ADAR: variants seen among roughly 807,000 people sequenced by gnomAD.
ADAR encodes the protein double-stranded RNA-specific adenosine deaminase.
A neutral mutation model predicts 113.2 loss-of-function variants in ADAR; 41 were observed. The observed-to-expected ratio is 0.36, with a 90% CI of 0.28 to 0.47. The LOEUF is 0.47. ADAR is among the 20% of genes least tolerant of loss of function. The pLI is 1.00. For synonymous variants in ADAR, 605 were observed against 572.6 expected (o/e 1.06, Z -0.81); for missense variants, 1,242 against 1,540.9 (o/e 0.81, Z 3.25).
chr1:154,618,493 A>G (rs1215436175), intron 1 of ADAR, among the ~76,000 whole-genome samples: 3 of 152,230 alleles, frequency 2.0e-5, no homozygotes, highest in Non-Finnish European at 4.4e-5. Context: ...AAGTTCAAGT[A>G]CAAGAACAAA....
intron 6 of ADAR, among the ~76,000 whole-genome samples, chr1:154,593,740 T>A (rs1697318623): frequency 6.6e-6 from 1 of 152,196 alleles, no homozygotes; most frequent in South Asian, 2.1e-4. Context: ...GGGCTACTTT[T>A]AAAAATTATG....
intron 6 of ADAR, among the ~76,000 whole-genome samples, chr1:154,596,065 C>T (rs1697473253): frequency 6.6e-6 from 1 of 152,176 alleles, no homozygotes; most frequent in Non-Finnish European, 1.5e-5. Flanking sequence ...TGTAGGAGCC[C>T]ATGCCATCTA....
chr1:154,621,497 G>T (rs1427208581), intron 1 of ADAR, among the ~76,000 whole-genome samples: 2 of 152,144 alleles, frequency 1.3e-5, no homozygotes, highest in Non-Finnish European at 2.9e-5. Context: ...ATAAACTCAT[G>T]TTTTTCAGAA....
rs199708009 is a variant in ADAR, at chr1:154,586,190, C to T, written c.3193G>A (p.Val1065Ile). ...HFLQPIYLKS[V>I]TLGYLFSQGH... ...AAGGCAGGCCCCTTACCCAATGTGA[C>T]AGATTTGAGATAAATGGGCTGCAGG... is the stretch of plus-strand genomic sequence containing the variant. Residue 1065 changes from valine (V) to isoleucine (I), a missense_variant, in exon 12 of 15, where the codon GTC becomes ATC. Physicochemically the swap from Val to Ile is conservative, Grantham distance 29. This residue lies in a region of ADAR where 780 missense variants were observed against 1,057.9 expected (regional missense o/e 0.74). Coordinates refer to ENST00000368474, the MANE Select transcript of ADAR (RefSeq NM_001111.5). 6.2e-7 allele frequency: 1 copy of T among 1,614,126 alleles called. No homozygotes were observed. Among genetic ancestry groups the T allele is most frequent in the East Asian group, 2.2e-5 (1 of 44,880 alleles).
Position 154,588,056 on chromosome 1 carries a change from TAG to T in ADAR, c.3019+67_3019+68del. 9 of 1,605,082 alleles carry T rather than the reference TAG, an allele frequency of 5.6e-6. No homozygotes were observed. In the South Asian group the frequency reaches 8.8e-5, roughly 16 times the overall value. On this transcript the variant is annotated intron_variant, in intron 11 of 14. Coordinates refer to ENST00000368474, the MANE Select transcript of ADAR (RefSeq NM_001111.5). ...TAATGGTAAAATCCTAGCAGCCTTGTAGAGACTTGGGGTCCCTGGACCTTGCA... is the reference window on the plus strand; with the variant it reads ...TAATGGTAAAATCCTAGCAGCCTTGTAGACTTGGGGTCCCTGGACCTTGCA...
intron 1 of ADAR, among the ~76,000 whole-genome samples, chr1:154,625,655 T>C (rs1170336309): frequency 2.6e-5 from 4 of 152,090 alleles, no homozygotes; most frequent in African/African-American, 9.7e-5. Context: ...GGTCAGGAGT[T>C]CGAGACCAGC....
intron 1 of ADAR, among the ~76,000 whole-genome samples, chr1:154,603,154 A>T (rs1306793000): frequency 6.6e-6 from 1 of 152,200 alleles, no homozygotes; most frequent in Non-Finnish European, 1.5e-5. Flanking sequence ...CCTGTCTCTA[A>T]GATCTATCGT....
chr1:154,594,572 T>C (rs1296248768), intron 6 of ADAR, among the ~76,000 whole-genome samples: 1 of 152,152 alleles, frequency 6.6e-6, no homozygotes, highest in Non-Finnish European at 1.5e-5. Flanking sequence ...GCATAAATAA[T>C]TCCACACAAA....
chr1:154,612,695 T>G (rs182537513), upstream of ADAR, among the ~76,000 whole-genome samples: 200 of 152,298 alleles, frequency 1.3e-3, no homozygotes, highest in African/African-American at 4.5e-3. Context: ...AGTAAGCAAT[T>G]CAGAGTTGCT....
intron 1 of ADAR, among the ~76,000 whole-genome samples, chr1:154,618,102 T>C (rs540531040): frequency 3.1e-4 from 46 of 150,652 alleles, no homozygotes; most frequent in Non-Finnish European, 4.7e-4. Flanking sequence ...TATAGTAATA[T>C]ATAAGTATAC....
intron 6 of ADAR, among the ~76,000 whole-genome samples, chr1:154,593,165 A>T (rs1193340382): frequency 5.3e-5 from 8 of 151,592 alleles, no homozygotes; most frequent in Admixed American, 1.3e-4. Flanking sequence ...AACAGAAAAG[A>T]AGTCATAAAA....
chr1:154,590,585 T>C (rs1301432797), intron 6 of ADAR, among the ~76,000 whole-genome samples, 176 bp from the exon 7 acceptor site: 1 of 152,130 alleles, frequency 6.6e-6, no homozygotes, highest in Non-Finnish European at 1.5e-5. Flanking sequence ...ACCACATGAT[T>C]TGTGCCACAT....
chr1:154,592,258 AG>A (rs1697196248), intron 6 of ADAR, among the ~76,000 whole-genome samples: 2 of 152,188 alleles, frequency 1.3e-5, no homozygotes, highest in Non-Finnish European at 2.9e-5. Flanking sequence ...CAGCTCAGGC[AG>A]TACTTCTTGG....
At chr1:154,609,786 C>A (rs149871318), upstream of ADAR, among the ~76,000 whole-genome samples, 393 of 152,332 alleles carry the variant, frequency 2.6e-3, no homozygotes, top group African/African-American at 9.3e-3. Flanking sequence ...CTGTGTTAAG[C>A]ACCCAGGATA....
At chr1:154,605,527 T>A (rs1196212908) in intron 1 of ADAR, among the ~76,000 whole-genome samples, 1 of 151,836 alleles carries the variant, frequency 6.6e-6, no homozygotes, top group Non-Finnish European at 1.5e-5. Flanking sequence ...CTCTCCACTC[T>A]CAATATTCCC....
At chr1:154,615,891 GCAGA>G (rs1698621437) in intron 1 of ADAR, among the ~76,000 whole-genome samples, 1 of 152,160 alleles carries the variant, frequency 6.6e-6, no homozygotes, top group Non-Finnish European at 1.5e-5. Flanking sequence ...AAAATAAAAT[GCAGA>G]CAAACTTTTA....
At chr1:154,623,928 G>C (rs997378760) in intron 1 of ADAR, among the ~76,000 whole-genome samples, 1 of 151,994 alleles carries the variant, frequency 6.6e-6, no homozygotes, top group Non-Finnish European at 1.5e-5. Flanking sequence ...ACTTGAACCT[G>C]GGAGGTGGAG....
rs1348486685 is a variant in ADAR at position 154,619,855 on chromosome 1, T to C, written c.-871+8000A>G. Among the ~76,000 whole-genome samples, 5 of 152,306 alleles carry C rather than the reference T, an allele frequency of 3.3e-5. No individual in the cohort carries two copies. The East Asian group carries it at 7.7e-4, about 23-fold the overall frequency. On this transcript the variant is annotated intron_variant, in intron 1 of 14. Transcript: ENST00000368471. ...TTTTGTATACTGTGGGAACATAAAA[T>C]GGTACGACTAACTATTCGAGAAAAC...
intron 1 of ADAR, among the ~76,000 whole-genome samples, chr1:154,604,325 C>T (rs1250304900): frequency 1.3e-5 from 2 of 152,178 alleles, no homozygotes; most frequent in Non-Finnish European, 1.5e-5. Context: ...CTCGCATGAC[C>T]CCGGTGAAGC....
Sources: allele counts gnomAD v4.1 joint callset (sites outside exome capture counted in the v4.1 genomes callset), GRCh38; gene constraint gnomAD v4.1.1; regional missense constraint gnomAD v4.1.1; transcripts MANE v1.5; gene names NCBI Gene and HGNC (gene_info 2026-07-23, HGNC 2026-07-21).